Variants in SORL1 observed in about 807,000 individuals in gnomAD.
SORL1 encodes the protein sortilin-related receptor.
Under a neutral mutation model 273.7 loss-of-function variants are expected in SORL1, and 127 were observed. That is an observed-to-expected ratio of 0.46 (90% CI 0.40 to 0.54). The LOEUF is 0.54. SORL1 is among the 20% of genes least tolerant of loss of function. The pLI, the probability that SORL1 is intolerant of heterozygous loss-of-function variation, is 0.00. For synonymous variants in SORL1, 1,031 were observed against 1,067.4 expected (o/e 0.97, Z 0.66); for missense variants, 2,494 against 2,846.1 (o/e 0.88, Z 2.81).
rs760627451 is a variant in SORL1 at position 121,612,521 on chromosome 11, C to T, written c.5323-215C>T. Reference sequence around the variant, plus strand: ...TGAATCTATAAATTAAATATGGTCTCGTTTGTTTTTAGAAGTAGGTGGAGT... The same window carrying T: ...TGAATCTATAAATTAAATATGGTCTTGTTTGTTTTTAGAAGTAGGTGGAGT... On this transcript the variant is annotated intron_variant, in intron 39 of 47. Transcript: ENST00000260197. 4 of 384,890 alleles carry T rather than the reference C, an allele frequency of 1.0e-5. No individual in the cohort carries two copies. In the South Asian group the frequency reaches 1.3e-4, roughly 13 times the overall value. The allele number at this position is 384,890 out of a possible 1,614,324, so 23.8% of individuals were successfully genotyped here.
intron 43 of SORL1, among the ~76,000 whole-genome samples, 161 bp downstream of exon 43, chr11:121,620,078 C>T (rs1307181849): frequency 6.6e-6 from 1 of 152,164 alleles, no homozygotes; most frequent in Admixed American, 6.5e-5. Context: ...AGATGGGGTC[C>T]GTACAGGGAC....
chr11:121,513,836 C>T (rs759481352), intron 7 of SORL1, among the ~76,000 whole-genome samples: 4 of 152,190 alleles, frequency 2.6e-5, no homozygotes, highest in African/African-American at 4.8e-5. Context: ...GTACTTTGTA[C>T]GAATGAAAGT....
intron 35 of SORL1, 68 bp downstream of exon 35, chr11:121,605,639 G>A: frequency 1.5e-6 from 2 of 1,306,450 alleles, no homozygotes; most frequent in Non-Finnish European, 2.2e-6. Flanking sequence ...GGGTCTTTCT[G>A]AGTATTCTCA....
At chr11:121,581,611 A>C (rs186749048) in intron 25 of SORL1, among the ~76,000 whole-genome samples, 2 of 152,220 alleles carry the variant, frequency 1.3e-5, no homozygotes, top group African/African-American at 2.4e-5. Flanking sequence ...CTCATAAGTT[A>C]CTAAGAAGAT....
At chr11:121,580,005 T>C (rs541895109) in intron 25 of SORL1, among the ~76,000 whole-genome samples, 1 of 152,332 alleles carries the variant, frequency 6.6e-6, no homozygotes, top group African/African-American at 2.4e-5. Context: ...GCCTCTTTTG[T>C]GTTGATTTGA....
rs561378184 is a variant in SORL1, at chr11:121,594,185, G to T, written c.4370-1438G>T. 3.3e-5 allele frequency among the ~76,000 whole-genome samples: 5 copies of T among 151,884 alleles called. No homozygotes were observed. The East Asian group carries it at 9.7e-4, about 29-fold the overall frequency. On this transcript the variant is annotated intron_variant, in intron 31 of 47. Transcript: ENST00000260197. The stretch of plus-strand genomic sequence containing the variant: ...TTGTAGAATCTTCCCTTTGGCACCA[G>T]TGTTTTAAAATTTCACAATGATGTG...
At chr11:121,456,039 A>C (rs933386844) in intron 1 of SORL1, among the ~76,000 whole-genome samples, 1 of 151,502 alleles carries the variant, frequency 6.6e-6, no homozygotes, top group Non-Finnish European at 1.5e-5. Context: ...GCCCCTTCTT[A>C]AAGGCCAGGT....
At chr11:121,569,563 C>T (rs1013976121) in intron 22 of SORL1, among the ~76,000 whole-genome samples, 1 of 152,156 alleles carries the variant, frequency 6.6e-6, no homozygotes, top group South Asian at 2.1e-4. Context: ...GAAATAAACC[C>T]CAGTCTCCTG....
rs78397535 is a variant in SORL1 at position 121,470,066 on chromosome 11, C to T, written c.345C>T (p.Asn115=). ...MVVHWAGEKS[N]VIVALARDSL... ...TGCACTGGGCTGGAGAGAAAAGCAA[C>T]GTGATCGTGGCCTTGGCCCGAGATA... Residue 115 remains asparagine (N), a synonymous_variant, in exon 2 of 48, where the codon AAC becomes AAT. Coordinates refer to ENST00000260197, the MANE Select transcript of SORL1 (RefSeq NM_003105.6). 20 of 1,614,118 alleles carry T rather than the reference C, an allele frequency of 1.2e-5. No homozygotes were observed. Among genetic ancestry groups the T allele is most frequent in the Admixed American group, 8.3e-5 (5 of 60,018 alleles).
At chr11:121,470,925 A>G (rs898182933) in intron 2 of SORL1, among the ~76,000 whole-genome samples, 1 of 152,076 alleles carries the variant, frequency 6.6e-6, no homozygotes, top group African/African-American at 2.4e-5. Context: ...CTGGGCTCAA[A>G]CAATCCGCCT....
intron 1 of SORL1, among the ~76,000 whole-genome samples, chr11:121,456,836 C>A (rs1255832143): frequency 6.6e-6 from 1 of 152,190 alleles, no homozygotes; most frequent in African/African-American, 2.4e-5. Flanking sequence ...TATTACAGCA[C>A]AAGGCCCTGG....
Position 121,543,586 on chromosome 11 carries a change from T to C in SORL1, c.1724T>C (p.Ile575Thr), listed in dbSNP as rs776071381. Residue 575 changes from isoleucine to threonine, a missense_variant, in exon 13 of 48, where the codon ATC becomes ACC. Around this residue, in one of 3 missense-constraint regions of SORL1, gnomAD observed 710 missense variants for 882.5 expected, o/e 0.80. Transcript: ENST00000260197. ...TNEGETWKTFIFSEKPVFVYG... is the reference protein window; with the variant it reads ...TNEGETWKTFTFSEKPVFVYG... The stretch of plus-strand genomic sequence containing the variant: ...GAAGGGGAGACCTGGAAAACATTCA[T>C]CTTCTCTGAGAAGCCAGTGTTTGTG... The C allele has an allele frequency of 1.2e-6, 2 of 1,614,098 alleles. No homozygotes were observed. The highest frequency in any genetic ancestry group is 8.5e-7 in the Non-Finnish European group (1 of 1,179,918).
chr11:121,487,282 G>A (rs1264573770), intron 3 of SORL1, among the ~76,000 whole-genome samples: 1 of 152,188 alleles, frequency 6.6e-6, no homozygotes, highest in Non-Finnish European at 1.5e-5. Context: ...TCTGGTCCGT[G>A]GTGGGAATGC....
At position 121,452,360 on chromosome 11, in the gene SORL1, C is replaced by T. The variant is rs775717593; in HGVS notation, c.29C>T (p.Ser10Leu). The T allele has an allele frequency of 1.2e-5, 18 of 1,553,424 alleles. No homozygotes were observed. In the South Asian group the frequency reaches 1.7e-4, roughly 14 times the overall value. Residue 10 changes from serine (S) to leucine (L), a missense_variant, in exon 1 of 48, where the codon TCG becomes TTG. By Grantham distance (145) the Ser-to-Leu change is moderately radical. Coordinates refer to ENST00000260197, the MANE Select transcript of SORL1 (RefSeq NM_003105.6). This position sits in a 1 kb window ranked among gnomAD's most constrained non-coding sequence, Gnocchi z 5.3. ...GCGACACGGAGCAGCAGGAGGGAGT[C>T]GCGACTCCCGTTCCTATTCACCCTG... MATRSSRRE[S>L]RLPFLFTLVA...
At chr11:121,582,536 A>T (rs939703278) in intron 25 of SORL1, among the ~76,000 whole-genome samples, 1 of 152,250 alleles carries the variant, frequency 6.6e-6, no homozygotes, top group Non-Finnish European at 1.5e-5. Context: ...GACCGTTAGG[A>T]GTGTTGGTTG....
chr11:121,461,155 C>T (rs952266216), intron 1 of SORL1, among the ~76,000 whole-genome samples: 3 of 150,040 alleles, frequency 2.0e-5, no homozygotes, highest in Non-Finnish European at 4.4e-5. Context: ...ACATTTAGTT[C>T]CCTGAAATTC....
chr11:121,580,267 T>A (rs1165815945), intron 25 of SORL1, among the ~76,000 whole-genome samples: 1 of 152,214 alleles, frequency 6.6e-6, no homozygotes, highest in Non-Finnish European at 1.5e-5. Flanking sequence ...CTCTAAGCCA[T>A]TCGTTGGACT....
At position 121,526,152 on chromosome 11, in the gene SORL1, A is replaced by C. The variant is rs183595722; in HGVS notation, c.1596+3163A>C. ...GGTCTTTTGTATGATATATGGGTAG[A>C]TACTCATTTTTTCCATATGGAGATC... On this transcript the variant is annotated intron_variant, in intron 11 of 47. Coordinates refer to ENST00000260197, the MANE Select transcript of SORL1 (RefSeq NM_003105.6). Among the ~76,000 whole-genome samples, 211 of 152,234 alleles carry C rather than the reference A, an allele frequency of 1.4e-3. 1 individual carries two copies. The highest frequency in any genetic ancestry group is 2.5e-3 in the Non-Finnish European group (168 of 68,012).
Position 121,566,972 on chromosome 11 carries a change from C to G in SORL1, c.3082C>G (p.Leu1028Val). The G allele has an allele frequency of 6.2e-7, 1 of 1,614,020 alleles. No homozygotes were observed. Among genetic ancestry groups the G allele is most frequent in the African/African-American group, 1.3e-5 (1 of 75,066 alleles). ...SNACVPRPCS[L>V]LCLPKANNSR... ...TGCCTGTGTGCCCAGGCCATGCAGC[C>G]TGCTGTGCCTGCCCAAGGCCAACAA... Residue 1028 changes from leucine to valine, a missense_variant, in exon 22 of 48, where the codon CTG becomes GTG. Coordinates refer to ENST00000260197, the MANE Select transcript of SORL1 (RefSeq NM_003105.6).
Sources: allele counts gnomAD v4.1 joint callset (sites outside exome capture counted in the v4.1 genomes callset), GRCh38; gene constraint gnomAD v4.1.1; regional missense constraint gnomAD v4.1.1; non-coding constraint Gnocchi (gnomAD v3.1); transcripts MANE v1.5; gene names NCBI Gene and HGNC (gene_info 2026-07-23, HGNC 2026-07-21).